Variants in SNX18 observed in about 807,000 individuals in gnomAD.
SNX18 encodes the protein sorting nexin 18.
Under a neutral mutation model 48.7 loss-of-function variants are expected in SNX18, and 35 were observed. The ratio of observed to expected loss-of-function variants is 0.72; its 90% CI spans 0.55 to 0.95. SNX18 has a LOEUF of 0.95. Among genes scored for constraint, SNX18 ranks in the 40% least tolerant of loss-of-function variants. The pLI, the probability that SNX18 is intolerant of heterozygous loss-of-function variation, is 0.00. For missense variants in SNX18, 824 were observed against 871.0 expected, an observed-to-expected ratio of 0.95 and a Z score of 0.68; for synonymous variants, 492 against 384.7, an observed-to-expected ratio of 1.28 and a Z score of -3.26.
the SNX18 span, among the ~76,000 whole-genome samples, chr5:54,622,424 A>C: frequency 2.0e-5 from 3 of 151,866 alleles, no homozygotes; most frequent in East Asian, 3.9e-4. Flanking sequence ...GTTTGAGCCC[A>C]GGAGGTTGAG....
the SNX18 span, among the ~76,000 whole-genome samples, chr5:54,613,822 C>T: frequency 6.6e-6 from 1 of 152,132 alleles, no homozygotes; most frequent in Admixed American, 6.5e-5. Context: ...CCTCAGCCTC[C>T]CGAGTAGCTG....
At chr5:54,591,118 T>A in the SNX18 span, among the ~76,000 whole-genome samples, 1 of 152,076 alleles carries the variant, frequency 6.6e-6, no homozygotes, top group Non-Finnish European at 1.5e-5. Context: ...AAGGTACCAC[T>A]CTTGACCACA....
At chr5:54,610,654 G>C in the SNX18 span, among the ~76,000 whole-genome samples, 3 of 152,194 alleles carry the variant, frequency 2.0e-5, no homozygotes, top group Non-Finnish European at 2.9e-5. Context: ...TTATTTGTTG[G>C]AGTGTGTTAA....
intron 1 of SNX18, chr5:54,520,271 G>T: frequency 5.6e-6 from 1 of 179,820 alleles, no homozygotes; most frequent in Non-Finnish European, 1.3e-5. Flanking sequence ...CAGCGTTGCT[G>T]GTATCCCAGT....
At chr5:54,599,587 A>G in the SNX18 span, among the ~76,000 whole-genome samples, 1 of 152,222 alleles carries the variant, frequency 6.6e-6, no homozygotes, top group African/African-American at 2.4e-5. Context: ...TTCAAACTAT[A>G]CTAAAAGGCT....
chr5:54,601,879 T>A, the SNX18 span, among the ~76,000 whole-genome samples: 30 of 131,104 alleles, frequency 2.3e-4, 1 homozygote, highest in African/African-American at 8.2e-4. Flanking sequence ...TGCAAACAAT[T>A]TTTTAAAGAA....
Position 54,518,126 on chromosome 5 carries a change from G to A in SNX18, c.174G>A (p.Val58=), listed in dbSNP as rs531375107. 4 of 1,452,810 alleles carry A rather than the reference G, an allele frequency of 2.8e-6. No homozygotes were observed. The highest frequency in any genetic ancestry group is 2.7e-6 in the Non-Finnish European group (3 of 1,108,388). 90.0% of individuals were successfully genotyped at this position (1,452,810 alleles called of 1,614,324 possible). Residue 58 remains valine (V), a synonymous_variant, in exon 1 of 2, where the codon GTG becomes GTA. Coordinates refer to ENST00000381410, the MANE Select transcript of SNX18 (RefSeq NM_001102575.2). ...TCTTCCCGGCCTCCTATGTGCAGGT[G>A]ATCCGCGCCCCCGAGCCTGGCCCGG... ...RGLFPASYVQ[V]IRAPEPGPAG...
the SNX18 span, among the ~76,000 whole-genome samples, chr5:54,632,669 G>A: frequency 2.0e-5 from 3 of 152,024 alleles, no homozygotes; most frequent in East Asian, 5.8e-4. Context: ...TCCAGGCCAG[G>A]GAGGGATGAG....
the SNX18 span, among the ~76,000 whole-genome samples, chr5:54,599,478 C>T: frequency 6.6e-6 from 1 of 152,052 alleles, no homozygotes; most frequent in Admixed American, 6.6e-5. Context: ...TTAGAAAAAA[C>T]TATTTTAAAA....
At chr5:54,594,025 A>G in the SNX18 span, among the ~76,000 whole-genome samples, 4 of 152,252 alleles carry the variant, frequency 2.6e-5, no homozygotes, top group African/African-American at 7.2e-5. Context: ...TTGCCATAAA[A>G]GAGCCATAAA....
At chr5:54,540,458 C>G (rs926696909) in intron 1 of SNX18, among the ~76,000 whole-genome samples, 1 of 151,910 alleles carries the variant, frequency 6.6e-6, no homozygotes, top group African/African-American at 2.4e-5. Flanking sequence ...CTCAACCCAT[C>G]CCCCTGCCTC....
At chr5:54,552,626 A>C in the SNX18 span, among the ~76,000 whole-genome samples, 1 of 152,334 alleles carries the variant, frequency 6.6e-6, no homozygotes, top group African/African-American at 2.4e-5. Context: ...TGCCATCGGC[A>C]CGGTGGAGAC....
In SNX18 at chr5:54,543,206, G is replaced by A; in HGVS notation, c.1649G>A (p.Arg550Lys). The change falls in exon 2 of 2, where the codon AGG becomes AAG. Residue 550 changes from arginine to lysine, a missense_variant. Around this residue, in one of 3 missense-constraint regions of SNX18, gnomAD observed 443 missense variants for 503.6 expected, o/e 0.88. Coordinates refer to ENST00000381410, the MANE Select transcript of SNX18 (RefSeq NM_001102575.2). ...KGALTKVKES[R>K]RHVEEGKMEV... ...GCTCTTACCAAAGTCAAGGAGAGTA[G>A]GCGACACGTGGAGGAAGGGAAGATG... 6.2e-7 allele frequency: 1 copy of A among 1,613,998 alleles called. No homozygotes were observed.
the SNX18 span, among the ~76,000 whole-genome samples, chr5:54,573,805 T>C: frequency 5.3e-5 from 8 of 152,122 alleles, no homozygotes; most frequent in African/African-American, 1.9e-4. Context: ...GTAAGAGATA[T>C]TGTAGTGCAT....
At chr5:54,604,850 A>G in the SNX18 span, among the ~76,000 whole-genome samples, 1 of 152,216 alleles carries the variant, frequency 6.6e-6, no homozygotes, top group East Asian at 1.9e-4. Context: ...CTGGATATTG[A>G]TTTTAGATTG....
At chr5:54,532,546 G>A (rs1762268934) in intron 1 of SNX18, among the ~76,000 whole-genome samples, 1 of 152,010 alleles carries the variant, frequency 6.6e-6, no homozygotes, top group East Asian at 1.9e-4. Context: ...AGATCTTTAA[G>A]AAAAGAAACA....
Position 54,519,050 on chromosome 5 carries a change from C to G in SNX18, c.1098C>G (p.His366Gln). The G allele has an allele frequency of 6.2e-7, 1 of 1,613,724 alleles. No individual in the cohort carries two copies. Among genetic ancestry groups the G allele is most frequent in the Non-Finnish European group, 8.5e-7 (1 of 1,179,854 alleles). ...GGTGGATGAACCACATGGCCAGCCA[C>G]CCAGTGCTGGCGCAGTGCGACGTCT... ...LIWWMNHMASHPVLAQCDVFQ... is the reference protein window; with the variant it reads ...LIWWMNHMASQPVLAQCDVFQ... The change falls in exon 1 of 2, where the codon CAC (histidine) becomes CAG (glutamine). Residue 366 changes from histidine to glutamine, a missense_variant. Coordinates refer to ENST00000381410, the MANE Select transcript of SNX18 (RefSeq NM_001102575.2).
chr5:54,522,216 G>A (rs2112837971), intron 1 of SNX18, among the ~76,000 whole-genome samples: 1 of 152,264 alleles, frequency 6.6e-6, no homozygotes. Context: ...GTATAGATGA[G>A]ACAAACATCA....
At chr5:54,593,476 A>G in the SNX18 span, among the ~76,000 whole-genome samples, 4 of 152,210 alleles carry the variant, frequency 2.6e-5, no homozygotes, top group Non-Finnish European at 4.4e-5. Flanking sequence ...TATCCACAAA[A>G]TGATCTATAG....
Sources: gnomAD v4.1 joint callset for allele counts (sites outside exome capture counted in the v4.1 genomes callset) on GRCh38, gnomAD v4.1.1 for gene constraint, gnomAD v4.1.1 regional missense constraint, MANE v1.5 for transcripts, NCBI Gene and HGNC (gene_info 2026-07-23, HGNC 2026-07-21) for gene names.